SPATA13: variants seen among roughly 807,000 people sequenced by gnomAD.
SPATA13 encodes spermatogenesis-associated protein 13.
Under a neutral mutation model 104.0 loss-of-function variants are expected in SPATA13, and 50 were observed. The observed-to-expected ratio is 0.48, with a 90% CI of 0.38 to 0.61. The LOEUF is 0.61. Among genes scored for constraint, SPATA13 ranks in the 20% least tolerant of loss-of-function variants. SPATA13 has a pLI of 0.00. For synonymous variants in SPATA13, 606 were observed against 667.5 expected (o/e 0.91, Z 1.42); for missense variants, 1,524 against 1,690.6 (o/e 0.90, Z 1.73).
intron 3 of SPATA13, among the ~76,000 whole-genome samples, chr13:24,139,944 T>C (rs553864202): frequency 5.9e-5 from 9 of 152,174 alleles, no homozygotes; most frequent in Non-Finnish European, 1.3e-4. Context: ...GGCGGGCACC[T>C]GTAGTCCCAG....
chr13:24,044,920 A>G (rs1878079106), intron 3 of SPATA13, among the ~76,000 whole-genome samples: 1 of 145,836 alleles, frequency 6.9e-6, no homozygotes, highest in Non-Finnish European at 1.5e-5. Context: ...GAGTGAAGAG[A>G]GGTTGGTCAG....
At chr13:24,121,023 CT>C (rs111792172) in intron 3 of SPATA13, among the ~76,000 whole-genome samples, 28,589 of 151,474 alleles carry the variant, frequency 0.19, 4,277 homozygotes, top group African/African-American at 0.4. Flanking sequence ...CTTTTCTTTT[CT>C]TTTTTTTTCT....
At chr13:24,195,883 G>A (rs533698879) in intron 1 of SPATA13, among the ~76,000 whole-genome samples, 6 of 152,276 alleles carry the variant, frequency 3.9e-5, no homozygotes, top group African/African-American at 1.4e-4. Flanking sequence ...CTCAAGTGAT[G>A]TTTGGATTAA....
intron 1 of SPATA13, among the ~76,000 whole-genome samples, chr13:24,173,614 T>C (rs2138510666): frequency 6.6e-6 from 1 of 152,050 alleles, no homozygotes; most frequent in East Asian, 1.9e-4. Flanking sequence ...CATTATCAAG[T>C]TGAGGATATT....
Position 24,224,539 on chromosome 13 carries a change from A to G in SPATA13, c.1610A>G (p.Asn537Ser). 6.5e-7 allele frequency: 1 copy of G among 1,544,110 alleles called. No homozygotes were observed. The highest frequency in any genetic ancestry group is 1.2e-5 in the South Asian group (1 of 84,068). Residue 537 changes from asparagine to serine, a missense_variant, in exon 2 of 13, where the codon AAC becomes AGC. Physicochemically the swap from Asn to Ser is conservative, Grantham distance 46. Around this residue, in one of 2 missense-constraint regions of SPATA13, gnomAD observed 1,089 missense variants for 1,135.9 expected, o/e 0.96. Transcript: ENST00000382108. ...GAGGGCAGCAAGGACCTTCTGGTGA[A>G]CATTGGTGTGGCAGCCGGCCCAGAA... Reference protein sequence around the residue: ...GDEGSKDLLVNIGVAAGPEEK... With the variant: ...GDEGSKDLLVSIGVAAGPEEK...
chr13:24,226,983 T>C (rs146899011), intron 2 of SPATA13, among the ~76,000 whole-genome samples: 66 of 152,326 alleles, frequency 4.3e-4, no homozygotes, highest in African/African-American at 1.6e-3. Flanking sequence ...TCTTGACTAT[T>C]GAGAACCGTC....
In SPATA13 at chr13:24,136,257, A is replaced by T. The variant is rs972917674; in HGVS notation, c.-111-86562A>T. Among the ~76,000 whole-genome samples the T allele has an allele frequency of 3.9e-5, 6 of 152,304 alleles. No homozygotes were observed. The South Asian group carries it at 6.2e-4, about 16-fold the overall frequency. On this transcript the variant is annotated intron_variant, in intron 3 of 14. Coordinates refer to the SPATA13 transcript ENST00000424834. Reference sequence around the variant, plus strand: ...GAGGCCGAGGTGAGGTGGGTGGATCACCTGAGGTCGGGAGTTTGAGACCAG... The same window carrying T: ...GAGGCCGAGGTGAGGTGGGTGGATCTCCTGAGGTCGGGAGTTTGAGACCAG...
intron 3 of SPATA13, among the ~76,000 whole-genome samples, chr13:24,069,219 G>A (rs549651524): frequency 1.8e-4 from 27 of 152,200 alleles, no homozygotes; most frequent in East Asian, 1.9e-4. Context: ...GAGCAGTATG[G>A]CCATTTTTAC....
At chr13:24,081,206 T>C (rs1190499603) in intron 3 of SPATA13, among the ~76,000 whole-genome samples, 1 of 152,208 alleles carries the variant, frequency 6.6e-6, no homozygotes, top group Non-Finnish European at 1.5e-5. Context: ...GGTAGATCTG[T>C]CCAAGTCATG....
In SPATA13 at chr13:24,085,040, G is replaced by A. The variant is rs375175727; in HGVS notation, c.-112+67339G>A. 2.8e-4 allele frequency among the ~76,000 whole-genome samples: 43 copies of A among 152,286 alleles called. No homozygotes were observed. The South Asian group carries it at 6.0e-3, about 21-fold the overall frequency. On this transcript the variant is annotated intron_variant, in intron 3 of 14. Coordinates refer to the SPATA13 transcript ENST00000424834. ...CCGCCTGTGTGTTCGCAGTCGCCTG[G>A]GATTCTGGGTTGGGGAGGCGGTGCC...
intron 3 of SPATA13, among the ~76,000 whole-genome samples, chr13:24,147,886 G>A (rs545770123): frequency 5.3e-5 from 8 of 152,264 alleles, no homozygotes; most frequent in Admixed American, 4.6e-4. Flanking sequence ...TTCATTTAGC[G>A]TAAGGTCCTC....
chr13:24,265,457 A>G (rs1015144916), intron 4 of SPATA13, among the ~76,000 whole-genome samples: 3 of 152,222 alleles, frequency 2.0e-5, no homozygotes, highest in Admixed American at 6.5e-5. Flanking sequence ...ATTGGCCTGA[A>G]TAACTGATAG....
chr13:24,210,195 A>T (rs1376342726), intron 1 of SPATA13, among the ~76,000 whole-genome samples: 2 of 152,150 alleles, frequency 1.3e-5, no homozygotes, highest in Middle Eastern at 3.2e-3. Context: ...TTTACTTGTT[A>T]TATGACTTGC....
chr13:24,073,095 G>A (rs573501992), intron 3 of SPATA13, among the ~76,000 whole-genome samples: 1 of 152,104 alleles, frequency 6.6e-6, no homozygotes, highest in Non-Finnish European at 1.5e-5. Context: ...CAAGGCAATG[G>A]TGAGTTATTT....
intron 4 of SPATA13, among the ~76,000 whole-genome samples, chr13:24,282,157 C>G (rs926260116): frequency 6.7e-6 from 1 of 150,172 alleles, no homozygotes; most frequent in Non-Finnish European, 1.5e-5. Context: ...GGAGGCTAAG[C>G]ATGATGGTGG....
At chr13:24,074,532 T>G (rs7982870) in intron 3 of SPATA13, among the ~76,000 whole-genome samples, 117,740 of 151,964 alleles carry the variant, frequency 0.77, 45,947 homozygotes, top group Non-Finnish European at 0.82. Context: ...GCACTTACTA[T>G]GTATCAGGCA....
intron 2 of SPATA13, among the ~76,000 whole-genome samples, chr13:24,236,166 A>G (rs1352825569): frequency 1.3e-5 from 2 of 152,232 alleles, no homozygotes; most frequent in Non-Finnish European, 2.9e-5. Flanking sequence ...CTCACCATTT[A>G]TTAGCCTCCT....
In SPATA13 at chr13:24,287,286, C is replaced by G. The variant is rs150574659; in HGVS notation, c.2667+336C>G. Among the ~76,000 whole-genome samples, 502 of 152,246 alleles carry G rather than the reference C, an allele frequency of 3.3e-3. 4 individuals are homozygous for G. Among genetic ancestry groups the G allele is most frequent in the Non-Finnish European group, 5.5e-3 (376 of 68,016 alleles). ...AAGCAGTCCTCCCTCCTCAGCCCCC[C>G]GAGTAGCTAGGGCTACAGGCATGCA... On this transcript the variant is annotated intron_variant, in intron 7 of 12. Coordinates refer to ENST00000382108, the MANE Select transcript of SPATA13 (RefSeq NM_001166271.3).
chr13:24,019,369 T>C (rs1365063853), intron 3 of SPATA13, among the ~76,000 whole-genome samples: 2 of 152,132 alleles, frequency 1.3e-5, no homozygotes, highest in African/African-American at 4.8e-5. Context: ...ATTACAGGCG[T>C]GAGCCACCAC....
Sources: gnomAD v4.1 joint callset for allele counts (sites outside exome capture counted in the v4.1 genomes callset) on GRCh38, gnomAD v4.1.1 for gene constraint, gnomAD v4.1.1 regional missense constraint, MANE v1.5 for transcripts, NCBI Gene and HGNC (gene_info 2026-07-23, HGNC 2026-07-21) for gene names.